CYP4Z1: variants seen among roughly 807,000 people sequenced by gnomAD.
CYP4Z1 encodes the protein cytochrome P450 family 4 subfamily Z member 1, also known as cytochrome P450 4Z1.
In CYP4Z1, 41 loss-of-function variants were observed where a neutral mutation model predicts 54.2. That is an observed-to-expected ratio of 0.76 (90% CI 0.59 to 0.98). The LOEUF is 0.98. Among genes scored for constraint, CYP4Z1 ranks in the 50% least tolerant of loss-of-function variants. The pLI is 0.00. For synonymous variants in CYP4Z1, 163 were observed against 206.2 expected (o/e 0.79, Z 1.79); for missense variants, 513 against 599.0 (o/e 0.86, Z 1.50).
intron 8 of CYP4Z1, among the ~76,000 whole-genome samples, chr1:47,100,707 C>T (rs1429673478): frequency 6.6e-6 from 1 of 152,208 alleles, no homozygotes; most frequent in Non-Finnish European, 1.5e-5. Context: ...TAATCTCTTA[C>T]TGTGCCTAAT....
intron 6 of CYP4Z1, among the ~76,000 whole-genome samples, chr1:47,090,746 C>G (rs1273964684): frequency 1.3e-5 from 2 of 150,990 alleles, no homozygotes; most frequent in Non-Finnish European, 2.9e-5. Flanking sequence ...TCAGGGGTTG[C>G]TCCCTCAGCT....
chr1:47,116,574 C>T (rs1295463), intron 10 of CYP4Z1, 76 bp from the exon 11 acceptor site: 176,461 of 589,414 alleles, frequency 0.3, 27,251 homozygotes, highest in African/African-American at 0.74. Context: ...CTATGGATTT[C>T]GTTTTTGTTT....
chr1:47,067,719 T>TAA, intron 1 of CYP4Z1, 52 bp downstream of exon 1: 4 of 1,466,924 alleles, frequency 2.7e-6, no homozygotes, highest in Non-Finnish European at 3.7e-6. Flanking sequence ...GATGAGGTAT[T>TAA]AAAAAAAAAC....
the CYP4Z1 span, among the ~76,000 whole-genome samples, chr1:47,059,438 G>A: frequency 1.3e-5 from 2 of 152,296 alleles, no homozygotes; most frequent in East Asian, 3.9e-4. Flanking sequence ...AAGTCACTTA[G>A]AGCCTATCCA....
intron 2 of CYP4Z1, among the ~76,000 whole-genome samples, chr1:47,078,720 G>C (rs1244543977): frequency 7.8e-6 from 1 of 127,996 alleles, no homozygotes; most frequent in Admixed American, 8.1e-5. Context: ...TTTCCTGGTT[G>C]GTTCTGGGTT....
chr1:47,099,311 T>C, intron 8 of CYP4Z1, 27 bp downstream of exon 8: 1 of 1,546,592 alleles, frequency 6.5e-7, no homozygotes, highest in East Asian at 2.3e-5. Context: ...TATTTCATCC[T>C]GAATTTTCCC....
At chr1:47,116,511 T>G in intron 10 of CYP4Z1, 139 bp from the exon 11 acceptor site, 1 of 547,630 alleles carries the variant, frequency 1.8e-6, no homozygotes, top group Non-Finnish European at 3.3e-6. Flanking sequence ...GGACTTGTAG[T>G]CTCCAGACAT....
At chr1:47,108,818 C>T (rs10890461) in intron 9 of CYP4Z1, among the ~76,000 whole-genome samples, 58,518 of 147,346 alleles carry the variant, frequency 0.4, 10,894 homozygotes, top group East Asian at 0.85. Context: ...ATGAATGGCA[C>T]CACTGTCTGT....
the CYP4Z1 span, among the ~76,000 whole-genome samples, chr1:47,057,462 A>T: frequency 7.3e-6 from 1 of 136,440 alleles, no homozygotes; most frequent in African/African-American, 2.7e-5. Context: ...GTCCCACAGG[A>T]TCCTAGGACT....
At chr1:47,057,779 C>A in the CYP4Z1 span, among the ~76,000 whole-genome samples, 1 of 151,778 alleles carries the variant, frequency 6.6e-6, no homozygotes, top group East Asian at 1.9e-4. Flanking sequence ...GTCTGCTTAG[C>A]CTTATGCTTG....
upstream of CYP4Z1, among the ~76,000 whole-genome samples, chr1:47,064,954 C>T (rs1644442030): frequency 6.6e-6 from 1 of 152,128 alleles, no homozygotes; most frequent in Non-Finnish European, 1.5e-5. Context: ...CAAAAAGGGA[C>T]ATTATATAAT....
intron 2 of CYP4Z1, among the ~76,000 whole-genome samples, chr1:47,069,758 A>G (rs1179112854): frequency 6.7e-6 from 1 of 149,988 alleles, no homozygotes; most frequent in East Asian, 2.0e-4. Context: ...CAGGCCATAC[A>G]GGGAAAGCCA....
upstream of CYP4Z1, among the ~76,000 whole-genome samples, chr1:47,066,515 G>C (rs1477597405): frequency 6.6e-6 from 1 of 151,852 alleles, no homozygotes; most frequent in East Asian, 1.9e-4. Flanking sequence ...ACACCTTAAG[G>C]TAATAAAAGC....
At position 47,067,467 on chromosome 1, in the gene CYP4Z1, C is replaced by T. The variant is rs1253866368; in HGVS notation, c.-24C>T. On this transcript the variant is annotated 5_prime_UTR_variant, in exon 1 of 12. Coordinates refer to ENST00000334194, the MANE Select transcript of CYP4Z1 (RefSeq NM_178134.3). ...CCTGGCTCAGTTCTCTCAGGCTCTCCAGAGCTCAGGACCTCTGAGAAGAAT... is the reference window on the plus strand; with the variant it reads ...CCTGGCTCAGTTCTCTCAGGCTCTCTAGAGCTCAGGACCTCTGAGAAGAAT... The T allele has an allele frequency of 2.5e-6, 4 of 1,576,100 alleles. No individual in the cohort carries two copies. Among genetic ancestry groups the T allele is most frequent in the East Asian group, 2.3e-5 (1 of 44,034 alleles).
upstream of CYP4Z1, among the ~76,000 whole-genome samples, chr1:47,062,420 A>G (rs1194895944): frequency 6.6e-6 from 1 of 152,146 alleles, no homozygotes; most frequent in Non-Finnish European, 1.5e-5. Context: ...TTTCTCAATG[A>G]GGAGGCTCGT....
At chr1:47,095,370 A>AT (rs1430093030) in intron 7 of CYP4Z1, among the ~76,000 whole-genome samples, 1 of 152,166 alleles carries the variant, frequency 6.6e-6, no homozygotes, top group Non-Finnish European at 1.5e-5. Context: ...TTCCCTAGTG[A>AT]TTAGCACAGT....
chr1:47,064,753 C>G (rs1256247223), upstream of CYP4Z1, among the ~76,000 whole-genome samples: 1 of 152,094 alleles, frequency 6.6e-6, no homozygotes, highest in Non-Finnish European at 1.5e-5. Context: ...AGAAACAGAA[C>G]AGCAGAATGG....
intron 2 of CYP4Z1, among the ~76,000 whole-genome samples, chr1:47,077,901 G>C (rs1418663215): frequency 6.6e-6 from 1 of 152,100 alleles, no homozygotes. Flanking sequence ...CTACAGGTGT[G>C]ACCCACTGTG....
intron 7 of CYP4Z1, 115 bp from the exon 8 acceptor site, chr1:47,098,979 G>A: frequency 8.2e-7 from 1 of 1,225,688 alleles, no homozygotes; most frequent in South Asian, 1.4e-5. Flanking sequence ...TGCCAAATTA[G>A]TTGTATTAAT....
Sources: allele counts gnomAD v4.1 joint callset (sites outside exome capture counted in the v4.1 genomes callset), GRCh38; gene constraint gnomAD v4.1.1; transcripts MANE v1.5; gene names NCBI Gene and HGNC (gene_info 2026-07-23, HGNC 2026-07-21).